THSD4: variants seen among roughly 807,000 people sequenced by gnomAD.
The protein encoded by THSD4 is thrombospondin type-1 domain-containing protein 4.
A neutral mutation model predicts 119.0 loss-of-function variants in THSD4; 69 were observed. The observed-to-expected ratio is 0.58, with a 90% CI of 0.48 to 0.71. The LOEUF is 0.71. Among genes scored for constraint, THSD4 ranks in the 30% least tolerant of loss-of-function variants. THSD4 has a pLI of 0.00. For synonymous variants in THSD4, 524 were observed against 540.4 expected, an observed-to-expected ratio of 0.97 and a Z score of 0.42; for missense variants, 1,393 against 1,391.1, an observed-to-expected ratio of 1.00 and a Z score of -0.02.
chr15:71,631,097 T>G (rs2140944989), intron 7 of THSD4, among the ~76,000 whole-genome samples: 1 of 152,248 alleles, frequency 6.6e-6, no homozygotes, highest in East Asian at 1.9e-4. Flanking sequence ...TTGGATGGCT[T>G]GGAAAAGGAT....
chr15:71,213,325 A>AC (rs1162480664), intron 3 of THSD4, among the ~76,000 whole-genome samples: 2 of 152,096 alleles, frequency 1.3e-5, no homozygotes, highest in Non-Finnish European at 2.9e-5. Context: ...CACCTGGCTT[A>AC]CCTAGGATGA....
rs575115604 is a variant in THSD4, at chr15:71,666,230, C to G, written c.1357+5496C>G. Among the ~76,000 whole-genome samples, 246 of 152,212 alleles carry G rather than the reference C, an allele frequency of 1.6e-3. 1 individual carries two copies. Among genetic ancestry groups the G allele is most frequent in the Middle Eastern group, 3.4e-3 (1 of 294 alleles). ...AGAGATCTTTCACCTCCCTGGTTAG[C>G]TGTATTCCTAAGTATTTTGTTCTTT... is the stretch of plus-strand genomic sequence containing the variant. On this transcript the variant is annotated intron_variant, in intron 8 of 17. Transcript: ENST00000261862.
chr15:71,626,411 T>C (rs541014709), intron 7 of THSD4, among the ~76,000 whole-genome samples: 1 of 152,222 alleles, frequency 6.6e-6, no homozygotes. Context: ...GGAATGTGTA[T>C]TAAATTTTCT....
At chr15:71,149,125 G>A (rs1198405105) in intron 2 of THSD4, among the ~76,000 whole-genome samples, 1 of 149,486 alleles carries the variant, frequency 6.7e-6, no homozygotes, top group Non-Finnish European at 1.5e-5. Context: ...TGCAAGCTCC[G>A]CCTCCTGGGT....
At chr15:71,410,190 G>A (rs1308824434) in intron 6 of THSD4, among the ~76,000 whole-genome samples, 1 of 152,130 alleles carries the variant, frequency 6.6e-6, no homozygotes, top group African/African-American at 2.4e-5. Context: ...TCCATCCCTT[G>A]TTTCATTCCT....
intron 7 of THSD4, among the ~76,000 whole-genome samples, chr15:71,555,409 T>C (rs868759257): frequency 3.3e-5 from 5 of 152,252 alleles, no homozygotes; most frequent in South Asian, 2.1e-4. Flanking sequence ...ACTATTGATA[T>C]TGTATAATGT....
chr15:71,118,544 A>G (rs1174557949), intron 1 of THSD4, among the ~76,000 whole-genome samples: 1 of 152,126 alleles, frequency 6.6e-6, no homozygotes, highest in African/African-American at 2.4e-5. Flanking sequence ...TCTCCAGGTC[A>G]TGGAACACAC....
intron 6 of THSD4, among the ~76,000 whole-genome samples, chr15:71,327,051 G>A (rs1371488549): frequency 2.6e-5 from 4 of 151,298 alleles, no homozygotes; most frequent in East Asian, 3.9e-4. Context: ...CCTGTAATCC[G>A]AGCTACTCGG....
chr15:71,424,969 G>T (rs1401105335), intron 7 of THSD4, among the ~76,000 whole-genome samples: 1 of 152,132 alleles, frequency 6.6e-6, no homozygotes, highest in Non-Finnish European at 1.5e-5. Flanking sequence ...CAGGCTTCCA[G>T]ACTTTAATGA....
At chr15:71,581,603 C>T (rs1413823706) in intron 7 of THSD4, among the ~76,000 whole-genome samples, 1 of 150,702 alleles carries the variant, frequency 6.6e-6, no homozygotes, top group Non-Finnish European at 1.5e-5. Context: ...TTGCCTGGAC[C>T]AGTGTCAAAA....
At chr15:71,325,500 A>T (rs1439731822) in intron 6 of THSD4, among the ~76,000 whole-genome samples, 3 of 152,202 alleles carry the variant, frequency 2.0e-5, no homozygotes, top group Admixed American at 2.0e-4. Flanking sequence ...GATGAAAAGG[A>T]TGCAAGGAAC....
chr15:71,177,939 A>G (rs1567147227), intron 3 of THSD4, among the ~76,000 whole-genome samples: 2 of 132,986 alleles, frequency 1.5e-5, no homozygotes, highest in Non-Finnish European at 3.3e-5. Flanking sequence ...AAATTCAACA[A>G]CCCTCCATGC....
intron 7 of THSD4, among the ~76,000 whole-genome samples, chr15:71,456,284 T>G (rs768171068): frequency 1.3e-5 from 2 of 152,246 alleles, no homozygotes; most frequent in Non-Finnish European, 2.9e-5. Context: ...TAAGGCAAAG[T>G]AATGCATTTC....
At chr15:71,131,821 C>T (rs1665409931) in intron 1 of THSD4, among the ~76,000 whole-genome samples, 1 of 152,166 alleles carries the variant, frequency 6.6e-6, no homozygotes, top group Non-Finnish European at 1.5e-5. Context: ...TAGCTCAGTC[C>T]TCTATGCCTT....
At chr15:71,572,481 G>T (rs1388411763) in intron 7 of THSD4, among the ~76,000 whole-genome samples, 2 of 152,186 alleles carry the variant, frequency 1.3e-5, no homozygotes, top group Admixed American at 6.5e-5. Flanking sequence ...TGCACTGCAT[G>T]CTGGAAAGCA....
chr15:71,694,682 GA>G (rs753325795), intron 8 of THSD4, among the ~76,000 whole-genome samples: 1 of 152,154 alleles, frequency 6.6e-6, no homozygotes, highest in Non-Finnish European at 1.5e-5. Flanking sequence ...GATGTCCCAA[GA>G]AAAAGTACAG....
At chr15:71,340,951 T>C (rs531719130) in intron 6 of THSD4, among the ~76,000 whole-genome samples, 1 of 152,060 alleles carries the variant, frequency 6.6e-6, no homozygotes, top group Non-Finnish European at 1.5e-5. Flanking sequence ...TGAAAACGGG[T>C]TGGGAGGGTC....
chr15:71,422,760 G>A (rs1480514836), intron 7 of THSD4, among the ~76,000 whole-genome samples: 1 of 152,208 alleles, frequency 6.6e-6, no homozygotes, highest in Non-Finnish European at 1.5e-5. Flanking sequence ...CCAGGCTTGT[G>A]TCCTTCCCTT....
intron 7 of THSD4, among the ~76,000 whole-genome samples, chr15:71,548,112 T>TTTA (rs61554208): frequency 6.7e-6 from 1 of 149,664 alleles, no homozygotes; most frequent in East Asian, 1.9e-4. Context: ...TTTTTTTTTT[T>TTTA]AACATCAGTG....
Sources: allele counts gnomAD v4.1 joint callset (sites outside exome capture counted in the v4.1 genomes callset), GRCh38; gene constraint gnomAD v4.1.1; transcripts MANE v1.5; gene names NCBI Gene and HGNC (gene_info 2026-07-23, HGNC 2026-07-21).